Variants in GRIK1 observed in about 807,000 individuals in gnomAD.
GRIK1 encodes glutamate receptor ionotropic, kainate 1.
Under a neutral mutation model 105.7 loss-of-function variants are expected in GRIK1, and 69 were observed. The ratio of observed to expected loss-of-function variants is 0.65; its 90% CI spans 0.54 to 0.80. The LOEUF is 0.80. Ranked by LOEUF, GRIK1 falls within the 30% of genes least tolerant of loss-of-function variation. The probability of loss-of-function intolerance (pLI) is 0.00; values close to 1 mark genes in which losing one functional copy is unlikely to be tolerated. For synonymous variants in GRIK1, 438 were observed against 431.3 expected, an observed-to-expected ratio of 1.02 and a Z score of -0.19; for missense variants, 1,109 against 1,167.3, an observed-to-expected ratio of 0.95 and a Z score of 0.73.
chr21:29,732,079 A>G (rs2064642630), intron 1 of GRIK1, among the ~76,000 whole-genome samples: 1 of 152,202 alleles, frequency 6.6e-6, no homozygotes, highest in Non-Finnish European at 1.5e-5. Flanking sequence ...ATTCTTTCTC[A>G]TAATAAGCAC....
intron 1 of GRIK1, among the ~76,000 whole-genome samples, chr21:29,820,358 T>C (rs2067268347): frequency 1.3e-5 from 2 of 152,138 alleles, no homozygotes; most frequent in African/African-American, 4.8e-5. Context: ...TTTATCTTTC[T>C]TGACCTATCA....
chr21:29,604,331 C>G (rs144902424), intron 7 of GRIK1, among the ~76,000 whole-genome samples: 4 of 152,274 alleles, frequency 2.6e-5, no homozygotes, highest in African/African-American at 9.6e-5. Context: ...AAGGAAATAT[C>G]TTTGACCTTC....
chr21:29,807,504 T>C (rs896256509), intron 1 of GRIK1, among the ~76,000 whole-genome samples: 8 of 152,128 alleles, frequency 5.3e-5, no homozygotes, highest in African/African-American at 1.9e-4. Flanking sequence ...GTCTTGCTCA[T>C]GTAATCCTTC....
intron 15 of GRIK1, among the ~76,000 whole-genome samples, chr21:29,559,681 G>A (rs1431969548): frequency 6.6e-6 from 1 of 152,192 alleles, no homozygotes; most frequent in Non-Finnish European, 1.5e-5. Context: ...AAATATGGAA[G>A]ATAGTTGAAC....
At chr21:29,612,444 G>C (rs2061749269) in intron 7 of GRIK1, among the ~76,000 whole-genome samples, 1 of 152,120 alleles carries the variant, frequency 6.6e-6, no homozygotes, top group Non-Finnish European at 1.5e-5. Flanking sequence ...TTAACTGTGA[G>C]ACAGTAAAGC....
chr21:29,541,855 G>A (rs1347352354), intron 16 of GRIK1, among the ~76,000 whole-genome samples: 1 of 151,978 alleles, frequency 6.6e-6, no homozygotes, highest in East Asian at 1.9e-4. Context: ...GGAAATAAAA[G>A]CTCACCACAG....
At chr21:29,623,621 C>G (rs567330056) in intron 7 of GRIK1, among the ~76,000 whole-genome samples, 1 of 152,242 alleles carries the variant, frequency 6.6e-6, no homozygotes, top group Non-Finnish European at 1.5e-5. Flanking sequence ...ATAAATCCAG[C>G]TTAAAAATAC....
chr21:29,729,199 A>G (rs948391329), intron 1 of GRIK1, among the ~76,000 whole-genome samples: 2 of 152,178 alleles, frequency 1.3e-5, no homozygotes, highest in Non-Finnish European at 2.9e-5. Flanking sequence ...TTCTCTGGCC[A>G]TCGAGTCTAG....
At chr21:29,839,281 C>A (rs1316892696) in intron 1 of GRIK1, among the ~76,000 whole-genome samples, 1 of 152,132 alleles carries the variant, frequency 6.6e-6, no homozygotes, top group African/African-American at 2.4e-5. Context: ...AACTCCTGAC[C>A]TCAAGTGATC....
intron 16 of GRIK1, among the ~76,000 whole-genome samples, chr21:29,550,107 CAAAAAAAAAAAAAAA>C (rs34939329): frequency 3.7e-5 from 2 of 53,474 alleles, no homozygotes; most frequent in African/African-American, 8.5e-5. Context: ...GACTCCATCT[CAAAAAAAAAAAAAAA>C]AAAAAAAAAA....
chr21:29,848,780 T>TA (rs1255846155), intron 1 of GRIK1, among the ~76,000 whole-genome samples: 728 of 28,370 alleles, frequency 0.026, 6 homozygotes, highest in Middle Eastern at 0.11. Context: ...TATATATATA[T>TA]TTTTTTTTTT....
chr21:29,645,305 A>G (rs2062595172), intron 6 of GRIK1, among the ~76,000 whole-genome samples: 1 of 152,222 alleles, frequency 6.6e-6, no homozygotes, highest in Non-Finnish European at 1.5e-5. Context: ...CCTCATGACC[A>G]TAGCCACATG....
intron 7 of GRIK1, among the ~76,000 whole-genome samples, chr21:29,629,194 A>ATGTGTGTGTGTGTGTG (rs71191120): frequency 3.0e-5 from 4 of 132,570 alleles, no homozygotes; most frequent in African/African-American, 9.2e-5. Context: ...GAAAGGAGAA[A>ATGTGTGTGTGTGTGTG]TGTGTGTGTG....
chr21:29,680,037 G>C (rs1356483433), intron 3 of GRIK1, among the ~76,000 whole-genome samples: 2 of 152,158 alleles, frequency 1.3e-5, no homozygotes, highest in African/African-American at 4.8e-5. Context: ...TTAATATCTT[G>C]AGGCAACCTG....
intron 3 of GRIK1, among the ~76,000 whole-genome samples, chr21:29,675,313 G>A (rs1354109809): frequency 6.6e-6 from 1 of 152,076 alleles, no homozygotes; most frequent in Non-Finnish European, 1.5e-5. Context: ...GAGACTCCAG[G>A]CTGCCTGAGT....
chr21:29,542,171 T>A (rs942022519), intron 16 of GRIK1, among the ~76,000 whole-genome samples: 10 of 152,186 alleles, frequency 6.6e-5, no homozygotes, highest in Admixed American at 3.9e-4. Flanking sequence ...CTTGTTTATT[T>A]CAGTTTTGCA....
At chr21:29,599,749 C>T (rs1410230636) in intron 7 of GRIK1, among the ~76,000 whole-genome samples, 1 of 152,184 alleles carries the variant, frequency 6.6e-6, no homozygotes, top group African/African-American at 2.4e-5. Flanking sequence ...GAGATCCTTC[C>T]ACTGCGCTCC....
rs755188916 is a variant in GRIK1 at position 29,561,830 on chromosome 21, T to C, written c.2150A>G (p.Tyr717Cys). ...GCTCATGAAAGCCCACATCTTCTCA[T>C]AGGTGGAGATTTTTGATTTCTGGAG... is the stretch of plus-strand genomic sequence containing the variant. ...TFFKKSKIST[Y>C]EKMWAFMSSR... Residue 717 changes from tyrosine (Y) to cysteine (C), a missense_variant, in exon 15 of 18, where the codon TAT becomes TGT. Around this residue, in one of 5 missense-constraint regions of GRIK1, gnomAD observed 264 missense variants for 306.9 expected, o/e 0.86. Coordinates refer to ENST00000327783, the MANE Select transcript of GRIK1 (RefSeq NM_001330994.2). 6 of 1,612,318 alleles carry C rather than the reference T, an allele frequency of 3.7e-6. No individual in the cohort carries two copies. In the South Asian group the frequency reaches 5.5e-5, roughly 15 times the overall value.
intron 1 of GRIK1, among the ~76,000 whole-genome samples, chr21:29,715,391 A>C (rs1447612866): frequency 1.3e-5 from 2 of 152,208 alleles, no homozygotes; most frequent in African/African-American, 4.8e-5. Flanking sequence ...GGCTGGGACT[A>C]GGATGAGGCA....
Sources: allele counts gnomAD v4.1 joint callset (sites outside exome capture counted in the v4.1 genomes callset), GRCh38; gene constraint gnomAD v4.1.1; regional missense constraint gnomAD v4.1.1; transcripts MANE v1.5; gene names NCBI Gene and HGNC (gene_info 2026-07-23, HGNC 2026-07-21).